The following BRWD1 variants were observed in gnomAD, a reference collection of about 807,000 sequenced individuals.
The protein encoded by BRWD1 is bromodomain and WD repeat domain containing 1, also known as bromodomain and WD repeat-containing protein 1.
In BRWD1, 82 loss-of-function variants were observed where a neutral mutation model predicts 251.2. The observed-to-expected ratio is 0.33, with a 90% CI of 0.27 to 0.39. The LOEUF is 0.39. Among genes scored for constraint, BRWD1 ranks in the 10% least tolerant of loss-of-function variants. The pLI, the probability that BRWD1 is intolerant of heterozygous loss-of-function variation, is 1.00. For synonymous variants in BRWD1, 918 were observed against 902.8 expected, an observed-to-expected ratio of 1.02 and a Z score of -0.30; for missense variants, 2,233 against 2,711.6, an observed-to-expected ratio of 0.82 and a Z score of 3.92.
Position 39,313,587 on chromosome 21 carries a change from G to C in BRWD1, c.-96C>G. ...GGGCTGGCGTCCCCTCTTCTCAGGC[G>C]CGCGCCGCCGCCGCCGCCGCCGCCG... On this transcript the variant is annotated 5_prime_UTR_variant, in exon 1 of 41. Coordinates refer to ENST00000342449, the MANE Select transcript of BRWD1 (RefSeq NM_033656.4). 2 of 980,654 alleles carry C rather than the reference G, an allele frequency of 2.0e-6. No homozygotes were observed. The highest frequency in any genetic ancestry group is 2.5e-6 in the Non-Finnish European group (2 of 794,550). The allele number at this position is 980,654 out of a possible 1,614,324, so 60.7% of individuals were successfully genotyped here. A position where few individuals can be genotyped will look rare whatever the true frequency, so the allele number is the denominator to read the frequency against.
intron 20 of BRWD1, 92 bp downstream of exon 20, chr21:39,250,704 G>T: frequency 1.2e-6 from 1 of 811,344 alleles, no homozygotes; most frequent in Non-Finnish European, 1.9e-6. Context: ...CTCCACTTCA[G>T]ATGAAAGTTA....
At position 39,249,831 on chromosome 21, in the gene BRWD1, A is replaced by AT. The variant is rs139077856; in HGVS notation, c.2349+964dup. 3.3e-3 allele frequency among the ~76,000 whole-genome samples: 496 copies of AT among 152,174 alleles called. 1 individual carries two copies. The highest frequency in any genetic ancestry group is 5.7e-3 in the Non-Finnish European group (385 of 68,004). ...AAAACTAGAAAATCTGGTAAAACATATTTTTTAACAAATCTGTTTAAAGGC... is the reference window on the plus strand; with the variant it reads ...AAAACTAGAAAATCTGGTAAAACATATTTTTTTAACAAATCTGTTTAAAGGC... On this transcript the variant is annotated intron_variant, in intron 20 of 40. Coordinates refer to ENST00000342449, the MANE Select transcript of BRWD1 (RefSeq NM_033656.4).
At position 39,313,428 on chromosome 21, in the gene BRWD1, G is replaced by A. The variant is rs2036588651; in HGVS notation, c.49+15C>T. The A allele has an allele frequency of 7.0e-7, 1 of 1,430,182 alleles. No individual in the cohort carries two copies. Among genetic ancestry groups the A allele is most frequent in the East Asian group, 3.0e-5 (1 of 33,798 alleles). The allele number at this position is 1,430,182 out of a possible 1,614,324, so 88.6% of individuals were successfully genotyped here. A position where few individuals can be genotyped will look rare whatever the true frequency, so the allele number is the denominator to read the frequency against. On this transcript the variant is annotated intron_variant, in intron 1 of 40. Coordinates refer to ENST00000342449, the MANE Select transcript of BRWD1 (RefSeq NM_033656.4). The stretch of plus-strand genomic sequence containing the variant: ...GGGAGCGCCAGGGCGGGGGTGGCAC[G>A]GCCTCGCGTCTTACCCGACTCGATG...
At position 39,288,971 on chromosome 21, in the gene BRWD1, G is replaced by T. The variant is rs2035726053; in HGVS notation, c.831+4840C>A. On this transcript the variant is annotated intron_variant, in intron 8 of 40. Transcript: ENST00000342449. ...CAACTATACATAAAATTTACAAAAA[G>T]TGAGGATTATCTGTTATTAATTCTG... 2.0e-5 allele frequency among the ~76,000 whole-genome samples: 3 copies of T among 152,160 alleles called. No individual in the cohort carries two copies. In the South Asian group the frequency reaches 6.2e-4, roughly 32 times the overall value.
intron 29 of BRWD1, among the ~76,000 whole-genome samples, chr21:39,223,504 G>A (rs1440943345): frequency 1.3e-5 from 2 of 152,136 alleles, no homozygotes; most frequent in African/African-American, 2.4e-5. Context: ...TTTCGCAAAA[G>A]GGAAATAATT....
At chr21:39,224,319 T>A in intron 29 of BRWD1, 89 bp downstream of exon 29, 1 of 691,338 alleles carries the variant, frequency 1.4e-6, no homozygotes. Flanking sequence ...ATATTGATCA[T>A]AGAATACAAA....
intron 8 of BRWD1, among the ~76,000 whole-genome samples, chr21:39,289,702 T>G (rs1322362934): frequency 6.6e-6 from 1 of 152,186 alleles, no homozygotes; most frequent in African/African-American, 2.4e-5. Context: ...TACTTCTTTG[T>G]CTATCAACTT....
rs778038430 is a variant in BRWD1, at chr21:39,236,713, G to A, written c.2648C>T (p.Ser883Leu). The change falls in exon 23 of 41, where the codon TCA becomes TTA. Residue 883 changes from serine to leucine, a missense_variant. Physicochemically the swap from Ser to Leu is moderately radical, Grantham distance 145. Transcript: ENST00000342449. ...GINLQPPLRT[S>L]CRRRITRFCS... is the part of the protein sequence containing the mutation. ...AAATCGAGTAATTCGTCGACGACAT[G>A]ATGTTCTTAAAGGAGGCTGCAAATT... The A allele has an allele frequency of 9.9e-6, 16 of 1,613,932 alleles. No individual in the cohort carries two copies. In the East Asian group the frequency reaches 3.1e-4, roughly 31 times the overall value.
At chr21:39,286,318 C>A (rs942896032) in intron 8 of BRWD1, among the ~76,000 whole-genome samples, 1 of 151,870 alleles carries the variant, frequency 6.6e-6, no homozygotes, top group Non-Finnish European at 1.5e-5. Flanking sequence ...GCGCCCGGCC[C>A]ATATGAACCA....
At chr21:39,317,663 CAGAG>C (rs1461285098), upstream of BRWD1, among the ~76,000 whole-genome samples, 2 of 152,252 alleles carry the variant, frequency 1.3e-5, no homozygotes, top group African/African-American at 2.4e-5. Flanking sequence ...GCTAGCGCAT[CAGAG>C]AGCTGACATT....
intron 8 of BRWD1, among the ~76,000 whole-genome samples, chr21:39,290,596 G>A (rs902548023): frequency 1.3e-5 from 2 of 152,088 alleles, no homozygotes; most frequent in African/African-American, 4.8e-5. Flanking sequence ...TCATTTCAGG[G>A]AAGACTAGAA....
intron 7 of BRWD1, 36 bp downstream of exon 7, chr21:39,295,707 A>G: frequency 4.0e-6 from 6 of 1,497,496 alleles, no homozygotes; most frequent in Non-Finnish European, 5.4e-6. Context: ...AAAGTACTCT[A>G]GATGACATCA....
rs11399141 is a variant in BRWD1, at chr21:39,222,951, A to AG, written c.3382+1456_3382+1457insC. ...TACCTTTCTGACATTTTTGCCAAAA[A>AG]TGCAAAACCTAAATTTAATCCAGAA... On this transcript the variant is annotated intron_variant, in intron 29 of 40. Coordinates refer to ENST00000342449, the MANE Select transcript of BRWD1 (RefSeq NM_033656.4). Among the ~76,000 whole-genome samples, 609 of 149,712 alleles carry AG rather than the reference A, an allele frequency of 4.1e-3. 2 individuals are homozygous for AG. Among genetic ancestry groups the AG allele is most frequent in the South Asian group, 8.5e-3 (40 of 4,724 alleles).
At chr21:39,245,893 T>C (rs13050504) in intron 21 of BRWD1, among the ~76,000 whole-genome samples, 2 of 152,154 alleles carry the variant, frequency 1.3e-5, no homozygotes, top group Non-Finnish European at 2.9e-5. Flanking sequence ...TGAGCCACCG[T>C]GCCCGGCCTA....
At chr21:39,237,314 T>C (rs568677316) in intron 22 of BRWD1, among the ~76,000 whole-genome samples, 3 of 152,118 alleles carry the variant, frequency 2.0e-5, no homozygotes, top group Non-Finnish European at 2.9e-5. Flanking sequence ...GTCTCCCTGA[T>C]AGAAAGAGAC....
rs56801824 is a variant in BRWD1, at chr21:39,244,921, AATATATATAT to A, written c.2481+2770_2481+2779del. 7.2e-3 allele frequency among the ~76,000 whole-genome samples: 805 copies of A among 112,552 alleles called. 41 individuals carry two copies. Among genetic ancestry groups the A allele is most frequent in the Non-Finnish European group, 0.012 (625 of 52,940 alleles). The allele number at this position is 112,552 out of a possible 152,430, so 73.8% of individuals were successfully genotyped here. ...AGTTACATATAGAAACTTTGGAAGA[AATATATATAT>A]ATATATATATATATGCAGAAAAAGA... On this transcript the variant is annotated intron_variant, in intron 21 of 40. Transcript: ENST00000342449.
At chr21:39,247,104 A>G (rs1249199419) in intron 21 of BRWD1, among the ~76,000 whole-genome samples, 1 of 151,918 alleles carries the variant, frequency 6.6e-6, no homozygotes, top group Non-Finnish European at 1.5e-5. Flanking sequence ...CCATTCATAT[A>G]AAATGTCCAG....
At chr21:39,245,734 G>A (rs984732732) in intron 21 of BRWD1, among the ~76,000 whole-genome samples, 1 of 151,858 alleles carries the variant, frequency 6.6e-6, no homozygotes, top group Admixed American at 6.6e-5. Context: ...CAAATAGCTG[G>A]GATCACATGC....
At chr21:39,236,561 A>G (rs1477853739) in intron 23 of BRWD1, 34 bp downstream of exon 23, 22 of 1,488,660 alleles carry the variant, frequency 1.5e-5, no homozygotes, top group Non-Finnish European at 2.0e-5. Flanking sequence ...GGGTATCATG[A>G]TACATGCTAT....
Sources: gnomAD v4.1 joint callset for allele counts (sites outside exome capture counted in the v4.1 genomes callset) on GRCh38, gnomAD v4.1.1 for gene constraint, MANE v1.5 for transcripts, NCBI Gene and HGNC (gene_info 2026-07-23, HGNC 2026-07-21) for gene names.